CLEC1A: variants seen among roughly 807,000 people sequenced by gnomAD.
CLEC1A encodes C-type lectin domain family 1 member A, also known as C-type lectin-like receptor-1.
CLEC1A carries 34 observed loss-of-function variants against 28.7 expected under a neutral mutation model. The observed-to-expected ratio is 1.18, with a 90% CI of 0.90 to 1.57. CLEC1A has a LOEUF of 1.57. CLEC1A is among the 40% of genes most tolerant of loss of function. CLEC1A has a pLI of 0.00. For missense variants in CLEC1A, 385 were observed against 339.5 expected (o/e 1.13, Z -1.05); for synonymous variants, 116 against 121.0 (o/e 0.96, Z 0.27).
At chr12:10,074,989 G>A (rs1422263206) in intron 4 of CLEC1A, among the ~76,000 whole-genome samples, 2 of 152,170 alleles carry the variant, frequency 1.3e-5, no homozygotes, top group Non-Finnish European at 2.9e-5. Context: ...TACTTTAATT[G>A]CGTGTACTAA....
chr12:10,089,944 A>T (rs1262940904), intron 1 of CLEC1A, among the ~76,000 whole-genome samples: 1 of 152,208 alleles, frequency 6.6e-6, no homozygotes, highest in African/African-American at 2.4e-5. Flanking sequence ...CTCGCCCTCC[A>T]TTCCCATAAG....
At chr12:10,093,525 T>C (rs1178141269) in intron 1 of CLEC1A, among the ~76,000 whole-genome samples, 1 of 152,002 alleles carries the variant, frequency 6.6e-6, no homozygotes, top group Admixed American at 6.6e-5. Context: ...TTACCCTTCA[T>C]CAGGCATCAG....
At chr12:10,097,595 A>C (rs979808707) in intron 1 of CLEC1A, among the ~76,000 whole-genome samples, 2 of 151,748 alleles carry the variant, frequency 1.3e-5, no homozygotes, top group Admixed American at 1.3e-4. Flanking sequence ...CTAGTGTTTT[A>C]TCTTGCTCCA....
At chr12:10,078,008 T>A (rs1806807824) in intron 3 of CLEC1A, among the ~76,000 whole-genome samples, 1 of 152,198 alleles carries the variant, frequency 6.6e-6, no homozygotes, top group Admixed American at 6.5e-5. Flanking sequence ...GAATCTTTCA[T>A]TTCTCACACA....
At chr12:10,075,934 A>G (rs1017870870) in intron 3 of CLEC1A, among the ~76,000 whole-genome samples, 1 of 152,218 alleles carries the variant, frequency 6.6e-6, no homozygotes, top group African/African-American at 2.4e-5. Flanking sequence ...TGCCTATGAA[A>G]TTCAGCACAT....
In CLEC1A at chr12:10,071,474, T is replaced by A. The variant is rs77910243; in HGVS notation, c.702A>T (p.Arg234Ser). The A allele has an allele frequency of 6.2e-7, 1 of 1,612,978 alleles. No homozygotes were observed. Among genetic ancestry groups the A allele is most frequent in the Non-Finnish European group, 8.5e-7 (1 of 1,179,398 alleles). Reference protein sequence around the residue: ...IIIDVTSPRSRDCVAILNGMI... With the variant: ...IIIDVTSPRSSDCVAILNGMI... ...TCCCATTAAGGATGGCCACACAGTC[T>A]CTGCTTCTTGGGCTGGTGACATCTA... is the stretch of plus-strand genomic sequence containing the variant. The change falls in exon 6 of 6, where the codon AGA becomes AGT. Residue 234 changes from arginine to serine, a missense_variant. Physicochemically the swap from Arg to Ser is moderately radical, Grantham distance 110 (BLOSUM62 -1). Coordinates refer to ENST00000315330, the MANE Select transcript of CLEC1A (RefSeq NM_016511.4).
At chr12:10,094,996 C>T (rs1369231399) in intron 1 of CLEC1A, among the ~76,000 whole-genome samples, 1 of 152,036 alleles carries the variant, frequency 6.6e-6, no homozygotes, top group African/African-American at 2.4e-5. Context: ...GCTTCTGCGG[C>T]CTCCAACATT....
At chr12:10,093,880 A>G (rs1019738513) in intron 1 of CLEC1A, among the ~76,000 whole-genome samples, 10 of 152,084 alleles carry the variant, frequency 6.6e-5, no homozygotes, top group African/African-American at 2.4e-4. Context: ...AAACTTCCTC[A>G]TGGGAATCTG....
intron 2 of CLEC1A, among the ~76,000 whole-genome samples, chr12:10,083,723 T>G (rs1010407291): frequency 1.3e-5 from 2 of 152,158 alleles, no homozygotes; most frequent in African/African-American, 4.8e-5. Flanking sequence ...TCTGCCCTCC[T>G]CAGCCTCCCA....
intron 3 of CLEC1A, among the ~76,000 whole-genome samples, chr12:10,080,323 C>T (rs1185658658): frequency 6.6e-6 from 1 of 151,526 alleles, no homozygotes; most frequent in Non-Finnish European, 1.5e-5. Context: ...CCCCCACCCC[C>T]AAAAAAAGGA....
In CLEC1A at chr12:10,071,463, G is replaced by T; in HGVS notation, c.713C>A (p.Ala238Asp). Residue 238 changes from alanine (A) to aspartate (D), a missense_variant, in exon 6 of 6, where the codon GCC becomes GAC. Coordinates refer to ENST00000315330, the MANE Select transcript of CLEC1A (RefSeq NM_016511.4). The part of the protein sequence containing the change: ...VTSPRSRDCV[A>D]ILNGMIFSKD... ...TGAGAAGATCATCCCATTAAGGATG[G>T]CCACACAGTCTCTGCTTCTTGGGCT... is the stretch of plus-strand genomic sequence containing the variant. 1.2e-6 allele frequency: 2 copies of T among 1,613,482 alleles called. No individual in the cohort carries two copies. Among genetic ancestry groups the T allele is most frequent in the Non-Finnish European group, 1.7e-6 (2 of 1,179,594 alleles).
chr12:10,082,715 A>C (rs1043937270), intron 2 of CLEC1A, among the ~76,000 whole-genome samples: 11 of 138,074 alleles, frequency 8.0e-5, no homozygotes, highest in Middle Eastern at 7.4e-3. Context: ...TGCTCTCTTT[A>C]AAGCACCACC....
chr12:10,081,485 A>T, intron 2 of CLEC1A, 72 bp from the exon 3 acceptor site: 1 of 1,260,128 alleles, frequency 7.9e-7, no homozygotes, highest in Non-Finnish European at 1.1e-6. Context: ...CTTATGGGGA[A>T]GACAAAACAG....
At chr12:10,081,153 T>C (rs976633478) in intron 3 of CLEC1A, 84 bp downstream of exon 3, 31 of 1,225,420 alleles carry the variant, frequency 2.5e-5, no homozygotes, top group Non-Finnish European at 3.4e-5. Flanking sequence ...AGTTAAATAA[T>C]ACTTGACTCT....
chr12:10,072,191 T>C (rs1866149304), intron 5 of CLEC1A, among the ~76,000 whole-genome samples: 1 of 152,128 alleles, frequency 6.6e-6, no homozygotes, highest in South Asian at 2.1e-4. Context: ...GCCCCTTCTC[T>C]TTTGTGTTCT....
chr12:10,098,732 C>A, intron 1 of CLEC1A, 76 bp downstream of exon 1: 1 of 861,268 alleles, frequency 1.2e-6, no homozygotes, highest in South Asian at 1.8e-5. Flanking sequence ...TAAATATCTC[C>A]ATTTCTAGGA....
At chr12:10,083,893 A>C (rs1866422216) in intron 2 of CLEC1A, among the ~76,000 whole-genome samples, 1 of 152,252 alleles carries the variant, frequency 6.6e-6, no homozygotes, top group East Asian at 1.9e-4. Flanking sequence ...GAGAAATAGA[A>C]AATGCAGTAG....
In CLEC1A at chr12:10,078,411, C is replaced by G. The variant is rs1866298675; in HGVS notation, c.392-2756G>C. Among the ~76,000 whole-genome samples the G allele has an allele frequency of 2.0e-5, 3 of 152,102 alleles. No homozygotes were observed. In the South Asian group the frequency reaches 6.2e-4, roughly 32 times the overall value. On this transcript the variant is annotated intron_variant, in intron 3 of 5. Coordinates refer to ENST00000315330, the MANE Select transcript of CLEC1A (RefSeq NM_016511.4). Reference sequence around the variant, plus strand: ...TTTTGTTTCCTGTTTTAACTTAAAGCTTATTATTTCTCTATATTACATGGC... The same window carrying G: ...TTTTGTTTCCTGTTTTAACTTAAAGGTTATTATTTCTCTATATTACATGGC...
At chr12:10,082,834 G>A (rs1866400256) in intron 2 of CLEC1A, among the ~76,000 whole-genome samples, 1 of 152,202 alleles carries the variant, frequency 6.6e-6, no homozygotes, top group South Asian at 2.1e-4. Context: ...CAACATCCTG[G>A]CTAACCAGAG....
Sources: allele counts gnomAD v4.1 joint callset (sites outside exome capture counted in the v4.1 genomes callset), GRCh38; gene constraint gnomAD v4.1.1; transcripts MANE v1.5; gene names NCBI Gene and HGNC (gene_info 2026-07-23, HGNC 2026-07-21).